CDYL2: variants seen among roughly 807,000 people sequenced by gnomAD.
CDYL2 encodes chromodomain Y-like protein 2.
A neutral mutation model predicts 49.4 loss-of-function variants in CDYL2; 23 were observed. The ratio of observed to expected loss-of-function variants is 0.47; its 90% CI spans 0.34 to 0.66. The LOEUF is 0.66. Among genes scored for constraint, CDYL2 ranks in the 30% least tolerant of loss-of-function variants. CDYL2 has a pLI of 0.01. For missense variants in CDYL2, 678 were observed against 656.4 expected (o/e 1.03, Z -0.36); for synonymous variants, 360 against 268.8 (o/e 1.34, Z -3.32).
chr16:80,737,732 G>A (rs1353871976), intron 1 of CDYL2, among the ~76,000 whole-genome samples: 1 of 152,208 alleles, frequency 6.6e-6, no homozygotes, highest in East Asian at 1.9e-4. Context: ...CGATTCAGTA[G>A]GTCTGGGGTA....
At chr16:80,733,665 G>A (rs1905413347) in intron 1 of CDYL2, among the ~76,000 whole-genome samples, 1 of 152,134 alleles carries the variant, frequency 6.6e-6, no homozygotes, top group Non-Finnish European at 1.5e-5. Flanking sequence ...TAAAGCAGTT[G>A]TCACCACAAA....
At chr16:80,696,697 A>C (rs1480475758) in intron 1 of CDYL2, among the ~76,000 whole-genome samples, 4 of 152,000 alleles carry the variant, frequency 2.6e-5, no homozygotes, top group Non-Finnish European at 5.9e-5. Context: ...ACCAATTAAC[A>C]AGTAACAAGA....
At chr16:80,647,078 A>T (rs1430268540) in intron 2 of CDYL2, among the ~76,000 whole-genome samples, 1 of 152,178 alleles carries the variant, frequency 6.6e-6, no homozygotes, top group Non-Finnish European at 1.5e-5. Context: ...AACAATCTGA[A>T]AAAGAAATTA....
chr16:80,622,956 C>G (rs1404104239), intron 3 of CDYL2, among the ~76,000 whole-genome samples: 1 of 152,126 alleles, frequency 6.6e-6, no homozygotes, highest in Non-Finnish European at 1.5e-5. Context: ...TTATTAGCTC[C>G]ATTTTATAGA....
intron 1 of CDYL2, among the ~76,000 whole-genome samples, chr16:80,780,762 T>C (rs12051499): frequency 0.033 from 5,000 of 152,162 alleles, 121 homozygotes; most frequent in Admixed American, 0.076. Context: ...TCGAATACTA[T>C]TCTATACTAC....
At chr16:80,703,265 T>C (rs4061957) in intron 1 of CDYL2, among the ~76,000 whole-genome samples, 83,888 of 151,986 alleles carry the variant, frequency 0.55, 24,270 homozygotes, top group Middle Eastern at 0.72. Flanking sequence ...CAGATAAATA[T>C]ATGTGAATAG....
In CDYL2 at chr16:80,617,043, C is replaced by T. The variant is rs143652438; in HGVS notation, c.1007+3720G>A. ...TGCTTTCCTGAATACCACGTTTGAACAAGCCACCTTGTCACCTATGACAAG... is the reference window on the plus strand; with the variant it reads ...TGCTTTCCTGAATACCACGTTTGAATAAGCCACCTTGTCACCTATGACAAG... On this transcript the variant is annotated intron_variant, in intron 4 of 6. Coordinates refer to ENST00000570137, the MANE Select transcript of CDYL2 (RefSeq NM_152342.4). Among the ~76,000 whole-genome samples the T allele has an allele frequency of 3.3e-3, 507 of 152,326 alleles. 4 individuals carry two copies. The highest frequency in any genetic ancestry group is 0.011 in the African/African-American group (460 of 41,562).
intron 1 of CDYL2, among the ~76,000 whole-genome samples, chr16:80,779,159 T>A (rs1168117539): frequency 6.6e-6 from 1 of 152,002 alleles, no homozygotes; most frequent in Non-Finnish European, 1.5e-5. Context: ...CACAAAAATA[T>A]ACATTAATCT....
At position 80,600,667 on chromosome 16, in the gene CDYL2, C is replaced by T. The variant is rs1906041966; in HGVS notation, c.*3721G>A. 1 of 152,062 alleles carries T rather than the reference C, an allele frequency of 6.6e-6. No individual in the cohort carries two copies. Among genetic ancestry groups the T allele is most frequent in the South Asian group, 2.1e-4 (1 of 4,826 alleles). 9.4% of individuals were successfully genotyped at this position (152,062 alleles called of 1,614,324 possible). The stretch of plus-strand genomic sequence containing the variant: ...ACAGAAAAACAGAAGATAAGCAATT[C>T]TGCATTTTAAATATTCACTTAGGAA... On this transcript the variant is annotated 3_prime_UTR_variant, in exon 7 of 7. Coordinates refer to ENST00000570137, the MANE Select transcript of CDYL2 (RefSeq NM_152342.4).
chr16:80,747,082 C>T (rs866590992), intron 1 of CDYL2, among the ~76,000 whole-genome samples: 3 of 152,148 alleles, frequency 2.0e-5, no homozygotes, highest in African/African-American at 2.4e-5. Context: ...TGTGTGCTGT[C>T]AGTTTTCTTA....
chr16:80,632,253 G>A (rs1156651987), intron 3 of CDYL2, among the ~76,000 whole-genome samples: 1 of 152,172 alleles, frequency 6.6e-6, no homozygotes, highest in East Asian at 1.9e-4. Flanking sequence ...AATGAAGTAT[G>A]GATACACACT....
intron 1 of CDYL2, among the ~76,000 whole-genome samples, chr16:80,784,815 C>G (rs1044131454): frequency 3.3e-5 from 5 of 151,940 alleles, no homozygotes; most frequent in African/African-American, 1.2e-4. Context: ...CTGGGCTGCC[C>G]CAAGAATATA....
chr16:80,721,144 T>C (rs981329922), intron 1 of CDYL2, among the ~76,000 whole-genome samples: 4 of 152,154 alleles, frequency 2.6e-5, no homozygotes, highest in African/African-American at 9.7e-5. Flanking sequence ...AAAATCCCAG[T>C]GCTACTAAGA....
chr16:80,685,961 T>C (rs1910173169), intron 1 of CDYL2, among the ~76,000 whole-genome samples: 1 of 152,208 alleles, frequency 6.6e-6, no homozygotes. Flanking sequence ...GAGGCACAGC[T>C]AGGAGGCAAA....
At chr16:80,782,352 GC>G (rs975580936) in intron 1 of CDYL2, among the ~76,000 whole-genome samples, 1 of 151,456 alleles carries the variant, frequency 6.6e-6, no homozygotes, top group African/African-American at 2.4e-5. Context: ...GTAATCAAAA[GC>G]CCCCCAAACG....
At chr16:80,777,046 T>A in intron 1 of CDYL2, among the ~76,000 whole-genome samples, 1 of 152,094 alleles carries the variant, frequency 6.6e-6, no homozygotes, top group Non-Finnish European at 1.5e-5. Context: ...GGTCTCGACC[T>A]CCTAAGCTCA....
chr16:80,665,537 C>T (rs1909227165), intron 2 of CDYL2, among the ~76,000 whole-genome samples: 1 of 143,226 alleles, frequency 7.0e-6, no homozygotes, highest in Non-Finnish European at 1.5e-5. Flanking sequence ...TAGCAAAAAC[C>T]GCAATTACTT....
intron 1 of CDYL2, among the ~76,000 whole-genome samples, chr16:80,790,973 A>G (rs1907591185): frequency 6.6e-6 from 1 of 152,250 alleles, no homozygotes; most frequent in African/African-American, 2.4e-5. Flanking sequence ...CAGTTTTAGC[A>G]TCTCAAGCAT....
Position 80,687,297 on chromosome 16 carries a change from G to A in CDYL2, c.25-2168C>T, listed in dbSNP as rs191258070. 1.5e-3 allele frequency among the ~76,000 whole-genome samples: 229 copies of A among 152,286 alleles called. 2 individuals carry two copies. Among genetic ancestry groups the A allele is most frequent in the African/African-American group, 5.2e-3 (218 of 41,568 alleles). On this transcript the variant is annotated intron_variant, in intron 1 of 6. Transcript: ENST00000570137. ...TAGACAATATATGCTCACTTCCCGG[G>A]ATGGAGAAATTTCTTCCCCAGGATG...
Sources: gnomAD v4.1 joint callset for allele counts (sites outside exome capture counted in the v4.1 genomes callset) on GRCh38, gnomAD v4.1.1 for gene constraint, MANE v1.5 for transcripts, NCBI Gene and HGNC (gene_info 2026-07-23, HGNC 2026-07-21) for gene names.